The following DNAH17 variants were observed in gnomAD, a reference collection of about 807,000 sequenced individuals.
DNAH17 encodes the protein dynein axonemal heavy chain 17, also known as axonemal beta dynein heavy chain 17.
DNAH17 carries 376 observed loss-of-function variants against 485.6 expected under a neutral mutation model. The observed-to-expected ratio is 0.77, with a 90% CI of 0.71 to 0.84. DNAH17 has a LOEUF of 0.84. Among genes scored for constraint, DNAH17 ranks in the 40% least tolerant of loss-of-function variants. The pLI is 0.00. For missense variants in DNAH17, 6,370 were observed against 5,839.3 expected (o/e 1.09, Z -2.96); for synonymous variants, 3,031 against 2,405.9 (o/e 1.26, Z -7.60).
rs60698723 is a variant in DNAH17, at chr17:78,484,742, C to CCCCTGCCGCCGCCACCG, written c.7649+125_7649+126insCGGTGGCGGCGGCAGGG. 3 of 326,494 alleles carry CCCCTGCCGCCGCCACCG rather than the reference C, an allele frequency of 9.2e-6. No homozygotes were observed. The East Asian group carries it at 1.9e-4, about 21-fold the overall frequency. 20.2% of individuals were successfully genotyped at this position (326,494 alleles called of 1,614,324 possible). A position where few individuals can be genotyped will look rare whatever the true frequency, so the allele number is the denominator to read the frequency against. On this transcript the variant is annotated intron_variant, in intron 48 of 80. Transcript: ENST00000389840. ...GTCTCCCTACCCACGTTGCAGCACC[C>CCCCTGCCGCCGCCACCG]CCCCCACCGCCCCACACCAGTCCTG... is the stretch of plus-strand genomic sequence containing the variant.
chr17:78,544,537 C>G (rs1053245964), intron 16 of DNAH17, among the ~76,000 whole-genome samples: 1 of 152,012 alleles, frequency 6.6e-6, no homozygotes, highest in Non-Finnish European at 1.5e-5. Context: ...GCGCGGTGGC[C>G]CATGCCTGTA....
At position 78,444,754 on chromosome 17, in the gene DNAH17, A is replaced by G; in HGVS notation, c.11378T>C (p.Ile3793Thr). 1.3e-6 allele frequency: 2 copies of G among 1,597,366 alleles called. No homozygotes were observed. Among genetic ancestry groups the G allele is most frequent in the Non-Finnish European group, 1.7e-6 (2 of 1,173,436 alleles). ...TTTCCAGCGCTTGGCAGATCCTTCG[A>G]TGTCACTGTCCAGATTTTTGAACTC... ...MDEFKNLDSD[I>T]EGSAKRWKKL... is the part of the protein sequence containing the mutation. Residue 3793 changes from isoleucine (I) to threonine (T), a missense_variant, in exon 71 of 81, where the codon ATC becomes ACC. Transcript: ENST00000389840.
intron 31 of DNAH17, among the ~76,000 whole-genome samples, chr17:78,503,511 G>A (rs2090378206): frequency 6.6e-6 from 1 of 151,858 alleles, no homozygotes; most frequent in Admixed American, 6.6e-5. Flanking sequence ...AATTGAGATA[G>A]GATCTCGCTC....
At position 78,486,255 on chromosome 17, in the gene DNAH17, C is replaced by T; in HGVS notation, c.7070G>A (p.Trp2357Ter). The change falls in exon 45 of 81, where the codon TGG becomes TAG. Residue 2357 changes from tryptophan (W) to a stop codon, truncating the protein, a stop_gained. Coordinates refer to ENST00000389840, the MANE Select transcript of DNAH17 (RefSeq NM_173628.4). LOFTEE classifies it high-confidence loss of function. Reference protein sequence around the residue: ...YELYFVFTCFWAFGGAMFQDQ... With the variant: ...YELYFVFTCF ...CTGGAACATGGCGCCACCGAAGGCC[C>T]AGAAGCAGGTGAACACGAAGTACAG... 6.3e-7 allele frequency: 1 copy of T among 1,598,354 alleles called. No individual in the cohort carries two copies. Among genetic ancestry groups the T allele is most frequent in the East Asian group, 2.2e-5 (1 of 44,608 alleles).
chr17:78,548,836 G>A (rs2091836633), intron 16 of DNAH17, among the ~76,000 whole-genome samples: 1 of 152,226 alleles, frequency 6.6e-6, no homozygotes, highest in African/African-American at 2.4e-5. Flanking sequence ...TTTTGAGACG[G>A]CATCTGAGGG....
Position 78,496,096 on chromosome 17 carries a change from C to A in DNAH17, c.5746-64G>T, listed in dbSNP as rs1158591869. On this transcript the variant is annotated intron_variant, in intron 37 of 80. Coordinates refer to ENST00000389840, the MANE Select transcript of DNAH17 (RefSeq NM_173628.4). Reference sequence around the variant, plus strand: ...GGCCAGCTTCCACACACCAGAGAGGCCTTCACATATGTTAAAGCATGAGGC... The same window carrying A: ...GGCCAGCTTCCACACACCAGAGAGGACTTCACATATGTTAAAGCATGAGGC... The A allele has an allele frequency of 2.6e-6, 4 of 1,525,702 alleles. No individual in the cohort carries two copies. The Admixed American group carries it at 7.9e-5, about 30-fold the overall frequency. The allele number at this position is 1,525,702 out of a possible 1,614,324, so 94.5% of individuals were successfully genotyped here.
chr17:78,492,505 G>A, intron 42 of DNAH17, 128 bp downstream of exon 42: 1 of 1,327,378 alleles, frequency 7.5e-7, no homozygotes, highest in Non-Finnish European at 1.0e-6. Flanking sequence ...CACCATTGCA[G>A]GCCACGTGCC....
At chr17:78,426,791 A>G in intron 78 of DNAH17, 135 bp downstream of exon 78, 6 of 1,294,578 alleles carry the variant, frequency 4.6e-6, no homozygotes, top group Non-Finnish European at 6.4e-6. Context: ...TTGTTCTGGA[A>G]CTGCCAGAGC....
chr17:78,472,837 G>T, intron 54 of DNAH17: 1 of 430,108 alleles, frequency 2.3e-6, no homozygotes, highest in South Asian at 1.6e-5. Flanking sequence ...CTCCACCCAG[G>T]TCACCCTTCA....
intron 50 of DNAH17, 105 bp downstream of exon 50, chr17:78,479,380 T>A (rs992466941): frequency 3.7e-6 from 5 of 1,343,626 alleles, no homozygotes; most frequent in African/African-American, 3.0e-5. Context: ...GATATTGATT[T>A]AGAATTATAA....
intron 57 of DNAH17, among the ~76,000 whole-genome samples, chr17:78,462,631 T>C (rs2088192783): frequency 6.6e-6 from 1 of 152,184 alleles, no homozygotes; most frequent in Admixed American, 6.5e-5. Flanking sequence ...CAATCAACAT[T>C]GTGAAAGCAT....
At position 78,454,475 on chromosome 17, in the gene DNAH17, C is replaced by T. The variant is rs1402585996; in HGVS notation, c.10401G>A (p.Gln3467=). The T allele has an allele frequency of 1.2e-6, 2 of 1,611,786 alleles. No homozygotes were observed. The highest frequency in any genetic ancestry group is 1.7e-4 in the Middle Eastern group (1 of 6,060). The change falls in exon 64 of 81, where the codon CAG becomes CAA. Residue 3467 remains glutamine, a synonymous_variant. Coordinates refer to ENST00000389840, the MANE Select transcript of DNAH17 (RefSeq NM_173628.4). The stretch of plus-strand genomic sequence containing the variant: ...GGTCCTGCGCCCGCACACACCTCTT[C>T]TGTCCCAGGCGGATGGCTTTCAGTT... ...RSELKAIRLG[Q]KSYLDVIEQA...
chr17:78,548,126 T>C (rs574183502), intron 16 of DNAH17, among the ~76,000 whole-genome samples: 2 of 152,130 alleles, frequency 1.3e-5, no homozygotes, highest in Non-Finnish European at 2.9e-5. Flanking sequence ...TTCTTAGCCA[T>C]GTCCTTTCCC....
chr17:78,545,944 A>G (rs1396582169), intron 16 of DNAH17, among the ~76,000 whole-genome samples: 4 of 151,454 alleles, frequency 2.6e-5, no homozygotes, highest in South Asian at 2.1e-4. Context: ...AAGGATGTAT[A>G]TATGTCTGTG....
intron 74 of DNAH17, among the ~76,000 whole-genome samples, chr17:78,435,680 G>A (rs983648873): frequency 1.3e-5 from 2 of 152,228 alleles, no homozygotes; most frequent in Admixed American, 6.5e-5. Flanking sequence ...GTGTCGGGTC[G>A]CTGCAGAGTT....
In DNAH17 at chr17:78,551,552, T is replaced by G. The variant is rs16971526; in HGVS notation, c.2374A>C (p.Ile792Leu). 1 of 1,613,382 alleles carries G rather than the reference T, an allele frequency of 6.2e-7. No individual in the cohort carries two copies. Among genetic ancestry groups the G allele is most frequent in the Non-Finnish European group, 8.5e-7 (1 of 1,179,460 alleles). The change falls in exon 16 of 81, where the codon ATT (isoleucine) becomes CTT (leucine). Residue 792 changes from isoleucine (I) to leucine (L), a missense_variant. By Grantham distance (5) the Ile-to-Leu change is conservative (BLOSUM62 2). Coordinates refer to ENST00000389840, the MANE Select transcript of DNAH17 (RefSeq NM_173628.4). ...TTGCTTACCTTCATAGCCTGGGAAA[T>G]TCCTTCTATATTTTGTTTTGCCTTT... is the stretch of plus-strand genomic sequence containing the variant. ...MQKAKQNIEG[I>L]SQAMKDWSAN...
intron 11 of DNAH17, among the ~76,000 whole-genome samples, chr17:78,563,769 G>T (rs1397587658): frequency 7.7e-6 from 1 of 129,180 alleles, no homozygotes; most frequent in Non-Finnish European, 1.6e-5. Context: ...GGGCTGGAAG[G>T]GACAACAAGG....
intron 68 of DNAH17, 78 bp downstream of exon 68, chr17:78,450,176 T>G: frequency 6.5e-7 from 1 of 1,550,330 alleles, no homozygotes; most frequent in East Asian, 2.3e-5. Context: ...GATGGCTGTG[T>G]GGGCAACAGG....
At chr17:78,454,440 C>A (rs1423071555) in intron 64 of DNAH17, 30 bp downstream of exon 64, 2 of 1,576,342 alleles carry the variant, frequency 1.3e-6, no homozygotes, top group Non-Finnish European at 8.6e-7. Flanking sequence ...CAGAGCCGGG[C>A]TTCGGCCCAG....
Sources: gnomAD v4.1 joint callset for allele counts (sites outside exome capture counted in the v4.1 genomes callset) on GRCh38, gnomAD v4.1.1 for gene constraint, MANE v1.5 for transcripts, NCBI Gene and HGNC (gene_info 2026-07-23, HGNC 2026-07-21) for gene names.